CCNT2: variants seen among roughly 807,000 people sequenced by gnomAD.
CCNT2 encodes the protein cyclin T2.
A neutral mutation model predicts 70.0 loss-of-function variants in CCNT2; 18 were observed. The ratio of observed to expected loss-of-function variants is 0.26; its 90% CI spans 0.18 to 0.38. The LOEUF is 0.38. Ranked by LOEUF, CCNT2 falls within the 10% of genes least tolerant of loss-of-function variation. CCNT2 has a pLI of 1.00. For synonymous variants in CCNT2, 334 were observed against 313.3 expected (o/e 1.07, Z -0.70); for missense variants, 734 against 890.2 (o/e 0.82, Z 2.23).
At chr2:134,945,875 G>C in intron 5 of CCNT2, 1 of 1,501,566 alleles carries the variant, frequency 6.7e-7, no homozygotes. Flanking sequence ...AAAGCAAATC[G>C]GCTTGTTTCT....
chr2:134,942,712 G>A (rs1681665589), intron 5 of CCNT2, 38 bp downstream of exon 5: 1 of 1,539,094 alleles, frequency 6.5e-7, no homozygotes, highest in Non-Finnish European at 8.8e-7. Context: ...AAGTATTAAT[G>A]CTTTTTATTA....
At chr2:134,949,843 T>TA (rs1237214012) in intron 7 of CCNT2, among the ~76,000 whole-genome samples, 1 of 150,820 alleles carries the variant, frequency 6.6e-6, no homozygotes, top group Non-Finnish European at 1.5e-5. Context: ...GCCCAGGCTA[T>TA]AGAGTGCGGT....
chr2:134,933,242 AAAT>A, intron 2 of CCNT2, among the ~76,000 whole-genome samples: 1 of 152,356 alleles, frequency 6.6e-6, no homozygotes, highest in Non-Finnish European at 1.5e-5. Context: ...GCTAGTTCTT[AAAT>A]ACAAATACAC....
chr2:134,945,924 G>A, intron 5 of CCNT2, 177 bp from the exon 6 acceptor site: 1 of 1,533,444 alleles, frequency 6.5e-7, no homozygotes, highest in Non-Finnish European at 8.7e-7. Context: ...TTGAGTGAAT[G>A]TTGTTGAAGA....
chr2:134,930,534 G>A (rs1680669716), intron 2 of CCNT2, among the ~76,000 whole-genome samples: 1 of 152,126 alleles, frequency 6.6e-6, no homozygotes, highest in South Asian at 2.1e-4. Context: ...TGGAATTGCT[G>A]GATTGGTATG....
chr2:134,931,195 C>T (rs181437284), intron 2 of CCNT2, among the ~76,000 whole-genome samples: 1 of 149,120 alleles, frequency 6.7e-6, no homozygotes, highest in African/African-American at 2.5e-5. Flanking sequence ...ATCTCCTGAC[C>T]TCGTGATTTG....
intron 2 of CCNT2, among the ~76,000 whole-genome samples, chr2:134,924,329 T>C (rs1475805588): frequency 1.8e-4 from 28 of 152,228 alleles, no homozygotes; most frequent in Admixed American, 1.8e-3. Flanking sequence ...GTATAGTGGA[T>C]TATTATAAAA....
At position 134,953,870 on chromosome 2, in the gene CCNT2, C is replaced by A; in HGVS notation, c.1415C>A (p.Ala472Glu). The A allele has an allele frequency of 3.7e-6, 6 of 1,614,078 alleles. No individual in the cohort carries two copies. Among genetic ancestry groups the A allele is most frequent in the Non-Finnish European group, 4.2e-6 (5 of 1,179,996 alleles). Reference sequence around the variant, plus strand: ...CAGCACAAACAAGGGCAGTCACAGGCAGCCAGCAGCAGTTCTGTTACTTCT... The same window carrying A: ...CAGCACAAACAAGGGCAGTCACAGGAAGCCAGCAGCAGTTCTGTTACTTCT... ...EQQHKQGQSQ[A>E]ASSSSVTSPI... Residue 472 changes from alanine (A) to glutamate (E), a missense_variant, in exon 9 of 9, where the codon GCA becomes GAA. Ala to Glu is a moderately radical substitution (Grantham distance 107). Transcript: ENST00000264157.
intron 2 of CCNT2, among the ~76,000 whole-genome samples, chr2:134,924,187 T>C (rs1052940735): frequency 1.3e-5 from 2 of 152,270 alleles, no homozygotes; most frequent in African/African-American, 4.8e-5. Context: ...TCTCTGATCT[T>C]ACCTTTGAAT....
chr2:134,945,403 G>A (rs1049698846), intron 5 of CCNT2: 2 of 985,428 alleles, frequency 2.0e-6, no homozygotes. Context: ...AAACTTTTCA[G>A]TGTCTTAAGC....
chr2:134,938,216 A>C (rs45521735), intron 3 of CCNT2, among the ~76,000 whole-genome samples: 74 of 152,196 alleles, frequency 4.9e-4, no homozygotes, highest in Non-Finnish European at 9.6e-4. Context: ...GACTGTTTTA[A>C]AAATCAGCTC....
In CCNT2 at chr2:134,956,824, A is replaced by G. The variant is rs1317158866; in HGVS notation, c.*2176A>G. On this transcript the variant is annotated 3_prime_UTR_variant, in exon 9 of 9. Transcript: ENST00000264157. ...GAATTGTTTTGAGATGTGTGAATAA[A>G]GGTAATTTTATTGAATCTTCATTGG... is the stretch of plus-strand genomic sequence containing the variant. 2 of 152,644 alleles carry G rather than the reference A, an allele frequency of 1.3e-5. No individual in the cohort carries two copies. Among genetic ancestry groups the G allele is most frequent in the African/African-American group, 4.8e-5 (2 of 41,480 alleles). The allele number at this position is 152,644 out of a possible 1,614,324, so 9.5% of individuals were successfully genotyped here.
chr2:134,944,113 CAT>C, intron 5 of CCNT2: 2 of 983,830 alleles, frequency 2.0e-6, no homozygotes, highest in Non-Finnish European at 2.4e-6. Context: ...TAAGCTAGAA[CAT>C]ATTTAACTGT....
At chr2:134,931,164 G>A (rs960088039) in intron 2 of CCNT2, among the ~76,000 whole-genome samples, 4 of 150,026 alleles carry the variant, frequency 2.7e-5, no homozygotes, top group Admixed American at 6.7e-5. Flanking sequence ...GGGTTTCACC[G>A]TGTTAGCCAG....
chr2:134,930,588 A>G (rs1390028197), intron 2 of CCNT2, among the ~76,000 whole-genome samples: 1 of 152,224 alleles, frequency 6.6e-6, no homozygotes, highest in Admixed American at 6.5e-5. Flanking sequence ...CTTTTAAGAA[A>G]CATTTTGAGG....
chr2:134,923,015 T>G (rs1472718882), intron 2 of CCNT2, among the ~76,000 whole-genome samples: 1 of 152,216 alleles, frequency 6.6e-6, no homozygotes, highest in Admixed American at 6.5e-5. Flanking sequence ...GCATGGTAGC[T>G]AATGCCTGTA....
chr2:134,919,411 C>T (rs890141626), intron 1 of CCNT2, among the ~76,000 whole-genome samples: 1 of 152,296 alleles, frequency 6.6e-6, no homozygotes, highest in African/African-American at 2.4e-5. Context: ...TTGCCGCAGC[C>T]TTTCCCGGCT....
intron 6 of CCNT2, chr2:134,946,356 T>G: frequency 8.1e-7 from 1 of 1,232,220 alleles, no homozygotes; most frequent in South Asian, 2.4e-5. Flanking sequence ...TAGTGGTGCT[T>G]TCTGATGACA....
chr2:134,941,062 G>A (rs1379419769), intron 4 of CCNT2, among the ~76,000 whole-genome samples: 4 of 152,196 alleles, frequency 2.6e-5, no homozygotes, highest in Admixed American at 1.3e-4. Flanking sequence ...ATTGCTGTAA[G>A]AAAGGCATAC....
Sources: allele counts gnomAD v4.1 joint callset (sites outside exome capture counted in the v4.1 genomes callset), GRCh38; gene constraint gnomAD v4.1.1; transcripts MANE v1.5; gene names NCBI Gene and HGNC (gene_info 2026-07-23, HGNC 2026-07-21).